Variants in SZT2 observed in about 807,000 individuals in gnomAD.
The protein encoded by SZT2 is KICSTOR complex protein SZT2.
In SZT2, 216 loss-of-function variants were observed where a neutral mutation model predicts 404.2. The observed-to-expected ratio is 0.53, with a 90% CI of 0.48 to 0.60. The LOEUF (loss-of-function observed/expected upper bound fraction) is 0.60, where lower values mean the gene tolerates loss of function less well. Among genes scored for constraint, SZT2 ranks in the 20% least tolerant of loss-of-function variants. SZT2 has a pLI of 0.00. For synonymous variants in SZT2, 1,693 were observed against 1,749.9 expected (o/e 0.97, Z 0.81); for missense variants, 3,857 against 4,459.2 (o/e 0.86, Z 3.85).
rs1388431445 is a variant in SZT2 at position 43,432,570 on chromosome 1, C to G, written c.5496C>G (p.Val1832=). 6.2e-7 allele frequency: 1 copy of G among 1,613,654 alleles called. No homozygotes were observed. The highest frequency in any genetic ancestry group is 1.7e-5 in the Admixed American group (1 of 59,990). Residue 1832 remains valine, a synonymous_variant, in exon 38 of 72, where the codon GTC becomes GTG. Transcript: ENST00000634258. ...GGTCCCCAGAGGATTCTGAGGGTGT[C>G]CCCCTCATCAGCCTGCCCCGCGTGC... is the stretch of plus-strand genomic sequence containing the variant. ...APGSPEDSEG[V]PLISLPRVPQ...
At chr1:43,434,912 G>A (rs1417235543) in intron 41 of SZT2, among the ~76,000 whole-genome samples, 2 of 152,204 alleles carry the variant, frequency 1.3e-5, no homozygotes, top group Non-Finnish European at 1.5e-5. Flanking sequence ...GCATGTAACA[G>A]GGATCTGACC....
Position 43,431,348 on chromosome 1 carries a change from C to T in SZT2, c.5000C>T (p.Pro1667Leu). 6.2e-7 allele frequency: 1 copy of T among 1,612,510 alleles called. No homozygotes were observed. The highest frequency in any genetic ancestry group is 1.3e-5 in the African/African-American group (1 of 75,008). Residue 1667 changes from proline to leucine, a missense_variant, in exon 34 of 72, where the codon CCA becomes CTA. Coordinates refer to ENST00000634258, the MANE Select transcript of SZT2 (RefSeq NM_001365999.1). ...SLRSDDGLGP[P>L]LPPPEEERHP... Reference sequence around the variant, plus strand: ...AGGTCAGATGATGGCCTCGGGCCCCCACTGCCACCCCCAGAAGAGGAGAGG... The same window carrying T: ...AGGTCAGATGATGGCCTCGGGCCCCTACTGCCACCCCCAGAAGAGGAGAGG...
At chr1:43,404,662 GCTT>G (rs1650083920) in intron 4 of SZT2, 112 bp downstream of exon 4, 2 of 1,167,242 alleles carry the variant, frequency 1.7e-6, no homozygotes, top group Non-Finnish European at 2.4e-6. Flanking sequence ...AGCTCTGCTG[GCTT>G]CTTGAACCTG....
At position 43,429,540 on chromosome 1, in the gene SZT2, T is replaced by C. The variant is rs1653600568; in HGVS notation, c.4167-163T>C. On this transcript the variant is annotated intron_variant, in intron 28 of 71. Transcript: ENST00000634258. ...AGAAATATGGAGGTTAAAGCCAAAA[T>C]GTGTAGGTTGGTTCTCTTTGCCTCT... The C allele has an allele frequency of 4.0e-6, 3 of 744,342 alleles. No homozygotes were observed. In the Admixed American group the frequency reaches 8.5e-5, roughly 21 times the overall value. The allele number at this position is 744,342 out of a possible 1,614,324, so 46.1% of individuals were successfully genotyped here. A position where few individuals can be genotyped will look rare whatever the true frequency, so the allele number is the denominator to read the frequency against.
chr1:43,395,481 G>GAA (rs1302053379), intron 1 of SZT2, among the ~76,000 whole-genome samples: 3 of 152,124 alleles, frequency 2.0e-5, no homozygotes, highest in Non-Finnish European at 4.4e-5. Flanking sequence ...ATAATTTTTT[G>GAA]TAGAGACAGG....
chr1:43,443,723 C>T lies in SZT2; in HGVS notation c.8752C>T (p.Gln2918Ter). ...WLKELSLAFLQQYVQYLQSIG... is the reference protein window; with the variant it reads ...WLKELSLAFL Reference sequence around the variant, plus strand: ...GAAGGAGCTGAGCTTGGCTTTCCTGCAGCAATATGTGCAGTATCTGCAGAG... The same window carrying T: ...GAAGGAGCTGAGCTTGGCTTTCCTGTAGCAATATGTGCAGTATCTGCAGAG... The change falls in exon 62 of 72, where the codon CAG (glutamine) becomes TAG (stop). Residue 2918 changes from glutamine (Q) to a stop codon, truncating the protein, a stop_gained. Transcript: ENST00000634258. LOFTEE classifies it high-confidence loss of function. 3 of 1,614,238 alleles carry T rather than the reference C, an allele frequency of 1.9e-6. No homozygotes were observed. Among genetic ancestry groups the T allele is most frequent in the Non-Finnish European group, 2.5e-6 (3 of 1,180,038 alleles).
chr1:43,438,313 G>A, intron 46 of SZT2: 1 of 340,284 alleles, frequency 2.9e-6, no homozygotes, highest in Non-Finnish European at 5.6e-6. Context: ...TGGTTATTTG[G>A]GATATATTTT....
chr1:43,451,685 G>A lies in SZT2; in HGVS notation c.*1205G>A. On this transcript the variant is annotated 3_prime_UTR_variant, in exon 72 of 72. Coordinates refer to ENST00000634258, the MANE Select transcript of SZT2 (RefSeq NM_001365999.1). Reference sequence around the variant, plus strand: ...GGAACTCCCGGATGTTTCCTGTCAGGTTCCCATCCATGATCTGCCAGTGGA... The same window carrying A: ...GGAACTCCCGGATGTTTCCTGTCAGATTCCCATCCATGATCTGCCAGTGGA... 1 of 1,614,192 alleles carries A rather than the reference G, an allele frequency of 6.2e-7. No homozygotes were observed. Among genetic ancestry groups the A allele is most frequent in the Non-Finnish European group, 8.5e-7 (1 of 1,180,024 alleles).
At chr1:43,423,057 A>G (rs1376667910) in intron 14 of SZT2, 42 bp from the exon 15 acceptor site, 1 of 1,540,602 alleles carries the variant, frequency 6.5e-7, no homozygotes, top group African/African-American at 1.4e-5. Flanking sequence ...CCAGACCTGT[A>G]GGAGATGGGA....
In SZT2 at chr1:43,451,208, T is replaced by C. The variant is rs372987904; in HGVS notation, c.*728T>C. On this transcript the variant is annotated 3_prime_UTR_variant, in exon 72 of 72. Transcript: ENST00000634258. ...GGAGGAGATGGGATGTCACTCGCTGTCTGGAGGCACGTGGGTGGTGTGCGG... is the reference window on the plus strand; with the variant it reads ...GGAGGAGATGGGATGTCACTCGCTGCCTGGAGGCACGTGGGTGGTGTGCGG... 579 of 1,606,234 alleles carry C rather than the reference T, an allele frequency of 3.6e-4. No individual in the cohort carries two copies. The highest frequency in any genetic ancestry group is 1.8e-4 in the Non-Finnish European group (208 of 1,173,072).
intron 67 of SZT2, 70 bp downstream of exon 67, chr1:43,447,768 G>T (rs1288282754): frequency 6.2e-7 from 1 of 1,610,758 alleles, no homozygotes; most frequent in Non-Finnish European, 8.5e-7. Context: ...GCAGTAGGGA[G>T]ACCAATGTTT....
chr1:43,418,652 G>A (rs1299544634), intron 7 of SZT2, among the ~76,000 whole-genome samples: 2 of 152,158 alleles, frequency 1.3e-5, no homozygotes, highest in Non-Finnish European at 2.9e-5. Flanking sequence ...AAGAATAGAG[G>A]CTATGATCGT....
In SZT2 at chr1:43,453,746, C is replaced by A; in HGVS notation, c.*3266C>A. On this transcript the variant is annotated 3_prime_UTR_variant, in exon 72 of 72. Coordinates refer to ENST00000634258, the MANE Select transcript of SZT2 (RefSeq NM_001365999.1). ...GCACCCGCGCGGGGAGGCCGGAGAG[C>A]TCGGGGAATAGCCAGGACAGATTGG... 7.2e-7 allele frequency: 1 copy of A among 1,382,082 alleles called. No individual in the cohort carries two copies. The highest frequency in any genetic ancestry group is 1.7e-5 in the South Asian group (1 of 58,620). 85.6% of individuals were successfully genotyped at this position (1,382,082 alleles called of 1,614,324 possible).
rs751415623 is a variant in SZT2 at position 43,439,634 on chromosome 1, G to A, written c.6907G>A (p.Asp2303Asn). Reference sequence around the variant, plus strand: ...TGCCTGCATCACTCTAGCCTTTGTGGATGAAGGAGGGGCCCCCTTGTCACT... The same window carrying A: ...TGCCTGCATCACTCTAGCCTTTGTGAATGAAGGAGGGGCCCCCTTGTCACT... ...GVACITLAFVDEGGAPLSLAL... is the reference protein window; with the variant it reads ...GVACITLAFVNEGGAPLSLAL... Residue 2303 changes from aspartate to asparagine, a missense_variant, in exon 50 of 72, where the codon GAT becomes AAT. Coordinates refer to ENST00000634258, the MANE Select transcript of SZT2 (RefSeq NM_001365999.1). This position sits in a 1 kb window ranked among gnomAD's most constrained non-coding sequence, Gnocchi z 4.2. The A allele has an allele frequency of 1.2e-6, 2 of 1,613,958 alleles. No homozygotes were observed. Among genetic ancestry groups the A allele is most frequent in the Non-Finnish European group, 1.7e-6 (2 of 1,179,886 alleles).
chr1:43,416,144 C>T lies in SZT2; in HGVS notation c.772+43C>T, dbSNP rs556726318. 232 of 1,587,536 alleles carry T rather than the reference C, an allele frequency of 1.5e-4. 2 individuals carry two copies. The South Asian group carries it at 2.2e-3, about 15-fold the overall frequency. On this transcript the variant is annotated intron_variant, in intron 6 of 71. Coordinates refer to ENST00000634258, the MANE Select transcript of SZT2 (RefSeq NM_001365999.1). ...TGGTGGGACTGGGGAAGCAGGGATA[C>T]AGGAAGGGTGGGGCTGACTGCTAAC... is the stretch of plus-strand genomic sequence containing the variant.
intron 70 of SZT2, 171 bp from the exon 71 acceptor site, chr1:43,449,932 C>CA (rs1162709872): frequency 4.1e-6 from 3 of 730,268 alleles, no homozygotes; most frequent in Non-Finnish European, 7.0e-6. Context: ...AGCAAGCCAG[C>CA]GAGGATGAGG....
Position 43,447,982 on chromosome 1 carries a change from C to A in SZT2, c.9563+11C>A, listed in dbSNP as rs2153936892. 3 of 1,613,876 alleles carry A rather than the reference C, an allele frequency of 1.9e-6. No individual in the cohort carries two copies. The highest frequency in any genetic ancestry group is 2.5e-6 in the Non-Finnish European group (3 of 1,179,998). The stretch of plus-strand genomic sequence containing the variant: ...GCGGCACGTTCTGCGGTCAGCAGAT[C>A]CCCTACCTTGAACATGCCCATTTCC... On this transcript the variant is annotated intron_variant, in intron 68 of 71. Coordinates refer to ENST00000634258, the MANE Select transcript of SZT2 (RefSeq NM_001365999.1).
intron 7 of SZT2, among the ~76,000 whole-genome samples, chr1:43,418,363 A>G (rs1651942459): frequency 6.6e-6 from 1 of 152,234 alleles, no homozygotes. Context: ...CTAAATTGAC[A>G]GGAGGGCATT....
Position 43,437,316 on chromosome 1 carries a change from C to G in SZT2, c.6180C>G (p.Val2060=). 2 of 1,614,070 alleles carry G rather than the reference C, an allele frequency of 1.2e-6. No individual in the cohort carries two copies. Among genetic ancestry groups the G allele is most frequent in the South Asian group, 1.1e-5 (1 of 91,064 alleles). ...TCAAAATGGGGCCCAGCATGGGGGT[C>G]TCTCGGGGTATGTGATTGGCATGAG... is the stretch of plus-strand genomic sequence containing the variant. ...SRLKMGPSMG[V]SRAIQALRSV... Residue 2060 remains valine, a synonymous_variant, in exon 43 of 72, where the codon GTC becomes GTG. Coordinates refer to ENST00000634258, the MANE Select transcript of SZT2 (RefSeq NM_001365999.1). The surrounding 1 kb of genome is among the most constrained non-coding windows in gnomAD (Gnocchi z 5.3).
Sources: gnomAD v4.1 joint callset for allele counts (sites outside exome capture counted in the v4.1 genomes callset) on GRCh38, gnomAD v4.1.1 for gene constraint, Gnocchi (gnomAD v3.1) non-coding constraint, MANE v1.5 for transcripts, NCBI Gene and HGNC (gene_info 2026-07-23, HGNC 2026-07-21) for gene names.